Variants in DENND1A observed in about 807,000 individuals in gnomAD.
DENND1A encodes DENN domain containing 1A, also known as DENN domain-containing protein 1A.
Under a neutral mutation model 113.7 loss-of-function variants are expected in DENND1A, and 51 were observed. The ratio of observed to expected loss-of-function variants is 0.45; its 90% confidence interval spans 0.36 to 0.57. The LOEUF is 0.57. Among genes scored for constraint, DENND1A ranks in the 20% least tolerant of loss-of-function variants. DENND1A has a pLI of 0.00. For synonymous variants in DENND1A, 565 were observed against 570.8 expected, an observed-to-expected ratio of 0.99 and a Z score of 0.14; for missense variants, 1,258 against 1,395.9, an observed-to-expected ratio of 0.90 and a Z score of 1.57.
intron 11 of DENND1A, among the ~76,000 whole-genome samples, chr9:123,600,334 G>T (rs979170220): frequency 2.6e-5 from 4 of 152,084 alleles, no homozygotes; most frequent in African/African-American, 9.7e-5. Context: ...GTGTTTTCAT[G>T]TACCTTCTTA....
In DENND1A at chr9:123,863,364, C is replaced by A. The variant is rs116887221; in HGVS notation, c.88+15587G>T. Among the ~76,000 whole-genome samples the A allele has an allele frequency of 8.8e-3, 1,340 of 152,270 alleles. 15 individuals carry two copies. The highest frequency in any genetic ancestry group is 0.015 in the Non-Finnish European group (1,036 of 68,010). On this transcript the variant is annotated intron_variant, in intron 2 of 23. Coordinates refer to ENST00000394215, the MANE Select transcript of DENND1A (RefSeq NM_001352964.2). ...GCTTCCTCTCAAACAATGATAAACT[C>A]CCTCAGAGTTAATAGTTTCTCCCTA... is the stretch of plus-strand genomic sequence containing the variant.
chr9:123,818,263 C>T (rs1398509717), intron 2 of DENND1A, among the ~76,000 whole-genome samples: 2 of 151,626 alleles, frequency 1.3e-5, no homozygotes, highest in African/African-American at 4.8e-5. Context: ...TGCCACCACA[C>T]CCGGCTAATT....
At chr9:123,881,548 G>A (rs1267409557) in intron 1 of DENND1A, among the ~76,000 whole-genome samples, 1 of 152,126 alleles carries the variant, frequency 6.6e-6, no homozygotes, top group Non-Finnish European at 1.5e-5. Flanking sequence ...CAGGACCCTA[G>A]GACTTCATGG....
chr9:123,864,291 G>A (rs2133332311), intron 2 of DENND1A, among the ~76,000 whole-genome samples: 1 of 152,288 alleles, frequency 6.6e-6, no homozygotes, highest in East Asian at 1.9e-4. Context: ...ACTATTAGTT[G>A]CAGAGCCATA....
At chr9:123,569,348 AAC>A (rs2136300678) in intron 12 of DENND1A, among the ~76,000 whole-genome samples, 1 of 152,286 alleles carries the variant, frequency 6.6e-6, no homozygotes, top group East Asian at 1.9e-4. Context: ...CAACCAATAA[AAC>A]ACAACTCTTT....
At chr9:123,571,983 A>G (rs1437278942) in intron 12 of DENND1A, among the ~76,000 whole-genome samples, 1 of 152,248 alleles carries the variant, frequency 6.6e-6, no homozygotes, top group African/African-American at 2.4e-5. Context: ...CAGTGTTTAA[A>G]TAATTTTAAA....
intron 2 of DENND1A, among the ~76,000 whole-genome samples, chr9:123,855,171 A>C (rs1843975226): frequency 6.6e-6 from 1 of 151,276 alleles, no homozygotes; most frequent in Non-Finnish European, 1.5e-5. Context: ...ATATCTCTTC[A>C]TTTAGCTAGC....
chr9:123,814,774 C>G (rs1362158347), intron 2 of DENND1A, among the ~76,000 whole-genome samples: 4 of 152,170 alleles, frequency 2.6e-5, no homozygotes, highest in Admixed American at 2.6e-4. Flanking sequence ...CAGAGAACAA[C>G]CACTTCTTTA....
chr9:123,682,767 T>C (rs1252681705), intron 5 of DENND1A, among the ~76,000 whole-genome samples: 1 of 152,200 alleles, frequency 6.6e-6, no homozygotes, highest in Non-Finnish European at 1.5e-5. Context: ...CACCTGCTAA[T>C]GTACCTGATG....
At chr9:123,555,109 ACTTCTTGCTGTT>A (rs2057345892) in intron 13 of DENND1A, among the ~76,000 whole-genome samples, 1 of 151,900 alleles carries the variant, frequency 6.6e-6, no homozygotes, top group African/African-American at 2.4e-5. Flanking sequence ...ACATTTTGAC[ACTTCTTGCTGTT>A]CATCTCCCAT....
At chr9:123,903,525 C>T (rs981234135) in intron 1 of DENND1A, among the ~76,000 whole-genome samples, 7 of 152,112 alleles carry the variant, frequency 4.6e-5, no homozygotes, top group South Asian at 4.2e-4. Flanking sequence ...GCACCGTGCA[C>T]GAGCTGAAGC....
chr9:123,731,256 T>A (rs2068147959), intron 5 of DENND1A, among the ~76,000 whole-genome samples: 1 of 152,042 alleles, frequency 6.6e-6, no homozygotes, highest in Non-Finnish European at 1.5e-5. Flanking sequence ...AAAGTATAAT[T>A]TAAAAAAAAA....
intron 5 of DENND1A, among the ~76,000 whole-genome samples, chr9:123,731,167 G>C (rs1273907183): frequency 1.3e-5 from 2 of 152,072 alleles, no homozygotes; most frequent in Non-Finnish European, 2.9e-5. Flanking sequence ...ATGACGGGTT[G>C]ATGGGTGCAG....
intron 12 of DENND1A, among the ~76,000 whole-genome samples, chr9:123,575,932 T>C (rs1026115915): frequency 6.6e-6 from 1 of 152,224 alleles, no homozygotes; most frequent in Non-Finnish European, 1.5e-5. Flanking sequence ...CCTCTGTAAA[T>C]TGGAGTGTCT....
chr9:123,632,575 G>A (rs1407037188), intron 9 of DENND1A, among the ~76,000 whole-genome samples: 1 of 151,996 alleles, frequency 6.6e-6, no homozygotes, highest in Non-Finnish European at 1.5e-5. Flanking sequence ...AGCTGCCAGA[G>A]CGCTCCTCCT....
chr9:123,573,758 T>C (rs1196001108), intron 12 of DENND1A, among the ~76,000 whole-genome samples: 1 of 152,182 alleles, frequency 6.6e-6, no homozygotes, highest in East Asian at 1.9e-4. Context: ...AGGCTTTACC[T>C]CTTTTCCCTG....
At chr9:123,503,982 C>CCATTT (rs1217646810) in intron 13 of DENND1A, among the ~76,000 whole-genome samples, 1 of 152,152 alleles carries the variant, frequency 6.6e-6, no homozygotes, top group African/African-American at 2.4e-5. Context: ...CAAAGAATAC[C>CCATTT]CATTTCTACC....
At chr9:123,638,908 T>C (rs1381478172) in intron 9 of DENND1A, among the ~76,000 whole-genome samples, 1 of 151,610 alleles carries the variant, frequency 6.6e-6, no homozygotes, top group Non-Finnish European at 1.5e-5. Context: ...ACTATTGCTT[T>C]AATAAAGAAT....
chr9:123,678,085 C>A (rs77514184), intron 5 of DENND1A, among the ~76,000 whole-genome samples: 3,540 of 152,280 alleles, frequency 0.023, 57 homozygotes, highest in South Asian at 0.058. Context: ...CCCTAATTCT[C>A]TCTTTTCTGT....
Sources: gnomAD v4.1 joint callset for allele counts (sites outside exome capture counted in the v4.1 genomes callset) on GRCh38, gnomAD v4.1.1 for gene constraint, MANE v1.5 for transcripts, NCBI Gene and HGNC (gene_info 2026-07-23, HGNC 2026-07-21) for gene names.